USP24: variants seen among roughly 807,000 people sequenced by gnomAD.
USP24 encodes ubiquitin specific peptidase 24.
Under a neutral mutation model 361.6 loss-of-function variants are expected in USP24, and 97 were observed. The observed-to-expected ratio is 0.27, with a 90% CI of 0.23 to 0.32. The LOEUF is 0.32. Among genes scored for constraint, USP24 ranks in the 10% least tolerant of loss-of-function variants. The pLI is 1.00. For synonymous variants in USP24, 1,098 were observed against 1,124.6 expected (o/e 0.98, Z 0.47); for missense variants, 2,353 against 3,165.6 (o/e 0.74, Z 6.16).
At chr1:55,128,942 A>C (rs1224998998) in intron 32 of USP24, among the ~76,000 whole-genome samples, 1 of 150,524 alleles carries the variant, frequency 6.6e-6, no homozygotes, top group Non-Finnish European at 1.5e-5. Context: ...ACGATCTCAA[A>C]CTCTTGGGCT....
At position 55,124,511 on chromosome 1, in the gene USP24, A is replaced by T. The variant is rs1413050064; in HGVS notation, c.4078T>A (p.Ser1360Thr). The change falls in exon 35 of 68, where the codon TCC becomes ACC. Residue 1360 changes from serine to threonine, a missense_variant. Around this residue, in one of 8 missense-constraint regions of USP24, gnomAD observed 949 missense variants for 1,280.5 expected, o/e 0.74. Coordinates refer to ENST00000294383, the MANE Select transcript of USP24 (RefSeq NM_015306.3). The stretch of plus-strand genomic sequence containing the variant: ...TTTCGAATTCCAGCAGGACACAGGG[A>T]ATTACTTTCTTTAATTGGCTGGCTA... ...GSSQPIKESN[S>T]LCPAGIRNRL... 6.2e-7 allele frequency: 1 copy of T among 1,613,430 alleles called. No homozygotes were observed.
chr1:55,095,534 G>A lies in USP24; in HGVS notation c.6062-138C>T, dbSNP rs1015317243. 3 of 943,008 alleles carry A rather than the reference G, an allele frequency of 3.2e-6. No individual in the cohort carries two copies. In the African/African-American group the frequency reaches 5.0e-5, roughly 16 times the overall value. 58.4% of individuals were successfully genotyped at this position (943,008 alleles called of 1,614,324 possible). On this transcript the variant is annotated intron_variant, in intron 50 of 67. Coordinates refer to ENST00000294383, the MANE Select transcript of USP24 (RefSeq NM_015306.3). The stretch of plus-strand genomic sequence containing the variant: ...GTAAAATGCAAAGTATAAGTAAAAT[G>A]TGAGTGTCTTTAGAGTACTGCTTAG...
At chr1:55,099,227 T>C (rs539130909) in intron 45 of USP24, among the ~76,000 whole-genome samples, 4 of 152,298 alleles carry the variant, frequency 2.6e-5, no homozygotes, top group African/African-American at 9.6e-5. Context: ...GATTAAGAGT[T>C]ACATACTTTA....
Position 55,214,868 on chromosome 1 carries a change from G to A in USP24, c.246C>T (p.Gly82=), listed in dbSNP as rs1644946778. The change falls in exon 1 of 68, where the codon GGC becomes GGT. Residue 82 remains glycine, a synonymous_variant. Transcript: ENST00000294383. ...CTCCGGTGCTCCCGCCGCGGGAGGG[G>A]CCGCCGCCGCCGCCGTCACCTCCGC... ...GDGGGDGGGG[G]PSRGGSTGGG... 1 of 1,191,922 alleles carries A rather than the reference G, an allele frequency of 8.4e-7. No homozygotes were observed. The highest frequency in any genetic ancestry group is 1.7e-5 in the African/African-American group (1 of 58,728). The allele number at this position is 1,191,922 out of a possible 1,614,324, so 73.8% of individuals were successfully genotyped here.
In USP24 at chr1:55,125,314, A is replaced by C. The variant is rs1359468558; in HGVS notation, c.3960+6T>G. 3 of 1,612,232 alleles carry C rather than the reference A, an allele frequency of 1.9e-6. No individual in the cohort carries two copies. The highest frequency in any genetic ancestry group is 2.5e-6 in the Non-Finnish European group (3 of 1,178,450). On this transcript the variant is annotated splice_donor_region_variant and intron_variant, in intron 34 of 67. Transcript: ENST00000294383. ...CTAAAATGTCTTGAATACACAAATC[A>C]CTTACTTGTATTGCAACTCGAGCAG...
Position 55,170,807 on chromosome 1 carries a change from C to T in USP24, c.825+749G>A, listed in dbSNP as rs576378437. On this transcript the variant is annotated intron_variant, in intron 5 of 67. Coordinates refer to ENST00000294383, the MANE Select transcript of USP24 (RefSeq NM_015306.3). ...TATTATGCTGTCATTTTTTTGTTTT[C>T]GTATTTCCTCCACTATACTACAAGC... Among the ~76,000 whole-genome samples the T allele has an allele frequency of 2.3e-3, 354 of 151,864 alleles. 1 individual carries two copies. The highest frequency in any genetic ancestry group is 8.2e-3 in the African/African-American group (341 of 41,386).
chr1:55,073,402 T>C (rs981671764), intron 64 of USP24, among the ~76,000 whole-genome samples: 1 of 152,154 alleles, frequency 6.6e-6, no homozygotes, highest in Non-Finnish European at 1.5e-5. Flanking sequence ...GGCAAGGTTC[T>C]TGACACGGTG....
intron 3 of USP24, 52 bp from the exon 4 acceptor site, chr1:55,172,572 A>G: frequency 6.5e-7 from 1 of 1,538,358 alleles, no homozygotes; most frequent in Non-Finnish European, 8.8e-7. Flanking sequence ...AAGAAAATAA[A>G]TCTACAGTTT....
intron 1 of USP24, among the ~76,000 whole-genome samples, chr1:55,197,238 C>T (rs1463245444): frequency 2.0e-5 from 3 of 151,630 alleles, no homozygotes; most frequent in African/African-American, 4.8e-5. Context: ...CCTTATCATA[C>T]CCCCTACCCA....
chr1:55,177,743 C>T (rs1001907461), intron 2 of USP24, among the ~76,000 whole-genome samples: 28 of 152,060 alleles, frequency 1.8e-4, no homozygotes, highest in Non-Finnish European at 3.7e-4. Context: ...TTTCAATTTC[C>T]ATTAAGCTTT....
At chr1:55,082,192 C>G (rs751282698) in intron 58 of USP24, among the ~76,000 whole-genome samples, 1 of 152,144 alleles carries the variant, frequency 6.6e-6, no homozygotes, top group African/African-American at 2.4e-5. Context: ...GGCTTTGACA[C>G]CAGCAGAGCT....
At chr1:55,108,868 T>C (rs993292857) in intron 39 of USP24, among the ~76,000 whole-genome samples, 9 of 152,212 alleles carry the variant, frequency 5.9e-5, no homozygotes, top group African/African-American at 2.2e-4. Flanking sequence ...GGACATGTAG[T>C]CCACCCACTT....
chr1:55,112,263 CTCTA>C (rs1645976434), intron 38 of USP24, among the ~76,000 whole-genome samples: 1 of 152,182 alleles, frequency 6.6e-6, no homozygotes, highest in African/African-American at 2.4e-5. Flanking sequence ...TTCTTCGTGT[CTCTA>C]TCTTCTTCAG....
At chr1:55,157,166 G>T in intron 11 of USP24, 90 bp downstream of exon 11, 2 of 1,348,020 alleles carry the variant, frequency 1.5e-6, no homozygotes, top group Non-Finnish European at 2.1e-6. Flanking sequence ...GACTAATACA[G>T]TCAAAGCAAC....
intron 1 of USP24, among the ~76,000 whole-genome samples, chr1:55,201,339 C>T (rs1340805873): frequency 2.6e-5 from 4 of 152,098 alleles, no homozygotes; most frequent in Non-Finnish European, 5.9e-5. Context: ...GGCGCAGTGG[C>T]TCATGCCTGT....
In USP24 at chr1:55,101,683, G is replaced by C; in HGVS notation, c.5046C>G (p.Ser1682Arg). The C allele has an allele frequency of 6.2e-7, 1 of 1,610,354 alleles. No individual in the cohort carries two copies. Among genetic ancestry groups the C allele is most frequent in the Non-Finnish European group, 8.5e-7 (1 of 1,178,764 alleles). Residue 1682 changes from serine (S) to arginine (R), a missense_variant, in exon 43 of 68, where the codon AGC (serine) becomes AGG (arginine). Around this residue, in one of 8 missense-constraint regions of USP24, gnomAD observed 949 missense variants for 1,280.5 expected, o/e 0.74. Transcript: ENST00000294383. ...KEFDYLPPVD[S>R]RSSSGFVGLR... ...GCCCCACAAACCCTGAACTGGACCT[G>C]CTATCCACTGGGGGAAGGTACTGGA...
rs146144428 is a variant in USP24 at position 55,152,743 on chromosome 1, A to G, written c.1860+1127T>C. Among the ~76,000 whole-genome samples, 3 of 152,300 alleles carry G rather than the reference A, an allele frequency of 2.0e-5. No homozygotes were observed. In the East Asian group the frequency reaches 5.8e-4, roughly 29 times the overall value. On this transcript the variant is annotated intron_variant, in intron 16 of 67. Coordinates refer to ENST00000294383, the MANE Select transcript of USP24 (RefSeq NM_015306.3). ...GAATTACCAGCTCCAGTTTGCAAAT[A>G]CCTTTTAAAATTTCTAAAGCTGGGT...
chr1:55,087,653 GC>G (rs1472098178), intron 55 of USP24, among the ~76,000 whole-genome samples: 1 of 152,212 alleles, frequency 6.6e-6, no homozygotes, highest in Non-Finnish European at 1.5e-5. Context: ...ATGCATGCAT[GC>G]CTGAATAAGT....
intron 1 of USP24, among the ~76,000 whole-genome samples, chr1:55,201,462 G>A (rs1174851165): frequency 1.3e-5 from 2 of 151,748 alleles, no homozygotes; most frequent in African/African-American, 2.4e-5. Context: ...TCAGCTGGGC[G>A]CAGTGGCAGG....
Sources: gnomAD v4.1 joint callset for allele counts (sites outside exome capture counted in the v4.1 genomes callset) on GRCh38, gnomAD v4.1.1 for gene constraint, gnomAD v4.1.1 regional missense constraint, MANE v1.5 for transcripts, NCBI Gene and HGNC (gene_info 2026-07-23, HGNC 2026-07-21) for gene names.